ACOT7: variants seen among roughly 807,000 people sequenced by gnomAD.
The protein encoded by ACOT7 is acyl-CoA thioesterase 7.
In ACOT7, 12 loss-of-function variants were observed where a neutral mutation model predicts 40.2. That is an observed-to-expected ratio of 0.30 (90% CI 0.19 to 0.48). ACOT7 has a LOEUF of 0.48. Ranked by LOEUF, ACOT7 falls within the 20% of genes least tolerant of loss-of-function variation. The probability of loss-of-function intolerance (pLI) is 0.99; values close to 1 mark genes in which losing one functional copy is unlikely to be tolerated. For missense variants in ACOT7, 395 were observed against 530.8 expected (o/e 0.74, Z 2.51); for synonymous variants, 228 against 219.5 (o/e 1.04, Z -0.34).
chr1:6,274,051 C>T lies in ACOT7; in HGVS notation c.1014+7051G>A, dbSNP rs116463540. On this transcript the variant is annotated intron_variant, in intron 8 of 8. Coordinates refer to ENST00000361521, the MANE Select transcript of ACOT7 (RefSeq NM_007274.4). The surrounding 1 kb of genome is among the most constrained non-coding windows in gnomAD (Gnocchi z 5.9). ...GCCACCTCTGCTCCTGAGGCTTCTT[C>T]GAGAGGAACGGGGCCCATGCGAGGA... is the stretch of plus-strand genomic sequence containing the variant. Among the ~76,000 whole-genome samples the T allele has an allele frequency of 6.5e-3, 996 of 152,300 alleles. 4 individuals are homozygous for T. The highest frequency in any genetic ancestry group is 0.011 in the Admixed American group (172 of 15,304).
chr1:6,302,482 C>CCGAGAAGA (rs1640000077), intron 6 of ACOT7, among the ~76,000 whole-genome samples: 1 of 152,108 alleles, frequency 6.6e-6, no homozygotes, highest in Non-Finnish European at 1.5e-5. Context: ...AGAAACCCAC[C>CCGAGAAGA]CGAGAAGACG....
chr1:6,309,567 C>T (rs1296616752), intron 6 of ACOT7, among the ~76,000 whole-genome samples: 3 of 152,152 alleles, frequency 2.0e-5, no homozygotes, highest in Non-Finnish European at 4.4e-5. Context: ...GCTATCTCCC[C>T]GATTTTGATA....
chr1:6,309,782 TC>T (rs1640280495), intron 6 of ACOT7, among the ~76,000 whole-genome samples: 2 of 152,088 alleles, frequency 1.3e-5, no homozygotes, highest in Admixed American at 6.5e-5. Context: ...TTGTAAACGC[TC>T]CCCTGGATAT....
At position 6,264,684 on chromosome 1, in the gene ACOT7, C is replaced by T. The variant is rs1638763304; in HGVS notation, c.1026G>A (p.Glu342=). The T allele has an allele frequency of 1.9e-6, 3 of 1,613,218 alleles. No individual in the cohort carries two copies. The highest frequency in any genetic ancestry group is 1.3e-5 in the African/African-American group (1 of 74,942). ...LPVPQLVPET[E]DEKKRFEEGK... ...CTTCCTCAAAGCGCTTCTTCTCGTCCTCGGTCTCGGGCTGTGGACCACACA... is the reference window on the plus strand; with the variant it reads ...CTTCCTCAAAGCGCTTCTTCTCGTCTTCGGTCTCGGGCTGTGGACCACACA... The change falls in exon 9 of 9, where the codon GAG becomes GAA. Residue 342 remains glutamate (E), a synonymous_variant. Transcript: ENST00000361521.
At chr1:6,304,939 C>A (rs1196906759) in intron 6 of ACOT7, among the ~76,000 whole-genome samples, 113 of 143,026 alleles carry the variant, frequency 7.9e-4, no homozygotes, top group African/African-American at 3.3e-3. Flanking sequence ...GGTGGCCGGG[C>A]AGAGGGGCTC....
Position 6,275,972 on chromosome 1 carries a change from A to G in ACOT7, c.1014+5130T>C, listed in dbSNP as rs898730762. Among the ~76,000 whole-genome samples the G allele has an allele frequency of 1.3e-5, 2 of 152,166 alleles. No individual in the cohort carries two copies. The highest frequency in any genetic ancestry group is 2.4e-5 in the African/African-American group (1 of 41,434). On this transcript the variant is annotated intron_variant, in intron 8 of 8. Transcript: ENST00000361521. The surrounding 1 kb of genome is among the most constrained non-coding windows in gnomAD (Gnocchi z 5.6). ...GGAGCCTCGGCTAATCTGGGGACAC[A>G]TCCCCTCCCCAGTGTGCCCAGGAAG...
At position 6,359,613 on chromosome 1, in the gene ACOT7, C is replaced by A. The variant is rs775788527; in HGVS notation, c.144-9747G>T. Among the ~76,000 whole-genome samples the A allele has an allele frequency of 1.3e-4, 20 of 152,220 alleles. No individual in the cohort carries two copies. The highest frequency in any genetic ancestry group is 2.4e-4 in the Non-Finnish European group (16 of 68,052). On this transcript the variant is annotated intron_variant, in intron 1 of 8. Coordinates refer to ENST00000361521, the MANE Select transcript of ACOT7 (RefSeq NM_007274.4). The surrounding 1 kb of genome is among the most constrained non-coding windows in gnomAD (Gnocchi z 4.1). The stretch of plus-strand genomic sequence containing the variant: ...CCCCCCAACCCGTACTCTCTTCACT[C>A]CGCCTCCCCTTCTACTGGGTGTCAG...
At chr1:6,333,860 C>A (rs1015131425) in intron 3 of ACOT7, among the ~76,000 whole-genome samples, 1 of 152,178 alleles carries the variant, frequency 6.6e-6, no homozygotes, top group South Asian at 2.1e-4. Flanking sequence ...GCATGCCCCC[C>A]CAAAACTGGC....
In ACOT7 at chr1:6,311,511, G is replaced by C. The variant is rs565010431; in HGVS notation, c.712+6981C>G. 3.3e-5 allele frequency among the ~76,000 whole-genome samples: 5 copies of C among 152,190 alleles called. No individual in the cohort carries two copies. The highest frequency in any genetic ancestry group is 1.2e-4 in the African/African-American group (5 of 41,444). ...GGCAGGGCTGGAGCTGCCGCTGTCC[G>C]CAAGGTTCAATCTGCCCCTCAAGGT... On this transcript the variant is annotated intron_variant, in intron 6 of 8. Transcript: ENST00000361521. The surrounding 1 kb of genome is among the most constrained non-coding windows in gnomAD (Gnocchi z 5.2).
chr1:6,375,799 G>A (rs545897576), intron 1 of ACOT7, among the ~76,000 whole-genome samples: 71 of 152,138 alleles, frequency 4.7e-4, no homozygotes, highest in African/African-American at 1.5e-3. Flanking sequence ...TTAGCCGGGC[G>A]TGGTGGCGGG....
rs1416353203 is a variant in ACOT7, at chr1:6,355,443, G to A, written c.144-5577C>T. On this transcript the variant is annotated intron_variant, in intron 1 of 8. Coordinates refer to ENST00000361521, the MANE Select transcript of ACOT7 (RefSeq NM_007274.4). This position sits in a 1 kb window ranked among gnomAD's most constrained non-coding sequence, Gnocchi z 5.0. ...CAGCCACACATTGGAATATTGCTCAGCCTTGCACGAGGAGGAGGAACCTTC... is the reference window on the plus strand; with the variant it reads ...CAGCCACACATTGGAATATTGCTCAACCTTGCACGAGGAGGAGGAACCTTC... Among the ~76,000 whole-genome samples the A allele has an allele frequency of 2.0e-5, 3 of 152,178 alleles. No individual in the cohort carries two copies. Among genetic ancestry groups the A allele is most frequent in the African/African-American group, 7.2e-5 (3 of 41,446 alleles).
chr1:6,368,317 G>T (rs1273789368), intron 1 of ACOT7, among the ~76,000 whole-genome samples: 1 of 152,130 alleles, frequency 6.6e-6, no homozygotes, highest in Non-Finnish European at 1.5e-5. Flanking sequence ...GGTGCCCAAA[G>T]TCTGAAGGGC....
chr1:6,349,432 C>T (rs1439198220), intron 2 of ACOT7, among the ~76,000 whole-genome samples: 1 of 152,244 alleles, frequency 6.6e-6, no homozygotes, highest in East Asian at 1.9e-4. Flanking sequence ...AACTCCACCC[C>T]ACGGAGGCGG....
rs1455765575 is a variant in ACOT7, at chr1:6,282,255, G to A, written c.830-969C>T. Among the ~76,000 whole-genome samples, 4 of 152,138 alleles carry A rather than the reference G, an allele frequency of 2.6e-5. No homozygotes were observed. The highest frequency in any genetic ancestry group is 5.9e-5 in the Non-Finnish European group (4 of 68,030). On this transcript the variant is annotated intron_variant, in intron 7 of 8. Transcript: ENST00000361521. The surrounding 1 kb of genome is among the most constrained non-coding windows in gnomAD (Gnocchi z 4.5). ...GAGCTCAGCTCTTCCCTATAGGCAG[G>A]CATGAGACACCCTGCCTGGGGGATA...
chr1:6,360,790 A>G lies in ACOT7; in HGVS notation c.144-10924T>C, dbSNP rs1043900731. On this transcript the variant is annotated intron_variant, in intron 1 of 8. Transcript: ENST00000361521. Reference sequence around the variant, plus strand: ...GCGGGCATTGCTGCCTCCCTAAGCAACCCTTCCAGCTGGTCCCAGTCCAGG... The same window carrying G: ...GCGGGCATTGCTGCCTCCCTAAGCAGCCCTTCCAGCTGGTCCCAGTCCAGG... The G allele has an allele frequency of 1.1e-5, 17 of 1,486,198 alleles. No homozygotes were observed. The African/African-American group carries it at 2.4e-4, about 21-fold the overall frequency. 92.1% of individuals were successfully genotyped at this position (1,486,198 alleles called of 1,614,324 possible). A position where few individuals can be genotyped will look rare whatever the true frequency, so the allele number is the denominator to read the frequency against.
chr1:6,349,763 T>G lies in ACOT7; in HGVS notation c.247A>C (p.Asn83His). 6.2e-7 allele frequency: 1 copy of G among 1,613,836 alleles called. No homozygotes were observed. The highest frequency in any genetic ancestry group is 8.5e-7 in the Non-Finnish European group (1 of 1,179,908). The change falls in exon 2 of 9, where the codon AAC (asparagine) becomes CAC (histidine). Residue 83 changes from asparagine (N) to histidine (H), a missense_variant. Coordinates refer to ENST00000361521, the MANE Select transcript of ACOT7 (RefSeq NM_007274.4). ...AGAIISTRHCNSQNGERCVAA... is the reference protein window; with the variant it reads ...AGAIISTRHCHSQNGERCVAA... ...CAGACCCTTACCCCGTTCTGGCTGT[T>G]GCAATGCCGGGTGCTGATGATGGCG...
intron 8 of ACOT7, among the ~76,000 whole-genome samples, chr1:6,276,655 C>T (rs911651102): frequency 2.0e-5 from 3 of 152,006 alleles, no homozygotes; most frequent in Admixed American, 1.3e-4. Flanking sequence ...ACGGAACGCA[C>T]ATGCAGGTTC....
intron 8 of ACOT7, among the ~76,000 whole-genome samples, chr1:6,279,112 T>A (rs555098483): frequency 6.6e-6 from 1 of 152,254 alleles, no homozygotes; most frequent in Admixed American, 6.5e-5. Context: ...GAGCCCATAC[T>A]TCATGGCCGA....
At chr1:6,340,841 GC>G (rs1351424704) in intron 2 of ACOT7, among the ~76,000 whole-genome samples, 1 of 152,028 alleles carries the variant, frequency 6.6e-6, no homozygotes, top group Non-Finnish European at 1.5e-5. Flanking sequence ...TTCGAGACCA[GC>G]CTGGCCAACA....
Sources: allele counts gnomAD v4.1 joint callset (sites outside exome capture counted in the v4.1 genomes callset), GRCh38; gene constraint gnomAD v4.1.1; non-coding constraint Gnocchi (gnomAD v3.1); transcripts MANE v1.5; gene names NCBI Gene and HGNC (gene_info 2026-07-23, HGNC 2026-07-21).